DNAH3: variants seen among roughly 807,000 people sequenced by gnomAD.
The protein encoded by DNAH3 is axonemal beta dynein heavy chain 3.
A neutral mutation model predicts 432.5 loss-of-function variants in DNAH3; 332 were observed. That is an observed-to-expected ratio of 0.77 (90% CI 0.70 to 0.84). The LOEUF (loss-of-function observed/expected upper bound fraction) is 0.84, where lower values mean the gene tolerates loss of function less well. DNAH3 is among the 40% of genes least tolerant of loss of function. The probability of loss-of-function intolerance (pLI) is 0.00; values close to 1 mark genes in which losing one functional copy is unlikely to be tolerated. For missense variants in DNAH3, 4,861 were observed against 5,114.0 expected (o/e 0.95, Z 1.51); for synonymous variants, 1,956 against 1,900.2 (o/e 1.03, Z -0.76).
chr16:20,960,014 C>A (rs562126517), intron 53 of DNAH3, among the ~76,000 whole-genome samples: 1 of 152,124 alleles, frequency 6.6e-6, no homozygotes, highest in Admixed American at 6.5e-5. Context: ...TGAAATAAGT[C>A]TCTCACTTCT....
intron 49 of DNAH3, 97 bp from the exon 50 acceptor site, chr16:20,979,643 T>C: frequency 5.5e-6 from 6 of 1,085,788 alleles, no homozygotes; most frequent in Non-Finnish European, 8.3e-6. Flanking sequence ...AGAAGGCACA[T>C]ACACTGACTG....
intron 50 of DNAH3, among the ~76,000 whole-genome samples, chr16:20,976,898 A>C (rs1236963671): frequency 3.9e-5 from 6 of 152,232 alleles, no homozygotes; most frequent in Admixed American, 3.3e-4. Context: ...AACTATGAGA[A>C]GTAAACGTTT....
chr16:21,154,128 G>A (rs543574592), intron 1 of DNAH3, among the ~76,000 whole-genome samples: 2 of 152,356 alleles, frequency 1.3e-5, no homozygotes, highest in Non-Finnish European at 2.9e-5. Flanking sequence ...ATGGGGCCAG[G>A]CGCGGTGGCC....
chr16:21,037,371 C>G (rs1383673556), intron 34 of DNAH3, among the ~76,000 whole-genome samples: 1 of 152,016 alleles, frequency 6.6e-6, no homozygotes, highest in African/African-American at 2.4e-5. Flanking sequence ...TAAAAGTCAG[C>G]AAATATTTAA....
intron 49 of DNAH3, among the ~76,000 whole-genome samples, chr16:20,981,586 A>G (rs2085899590): frequency 1.3e-5 from 2 of 152,114 alleles, no homozygotes; most frequent in Non-Finnish European, 2.9e-5. Context: ...TTAGCTGGGC[A>G]TGGAGGCTCA....
At chr16:21,063,869 T>G (rs893063087) in intron 24 of DNAH3, among the ~76,000 whole-genome samples, 2 of 152,172 alleles carry the variant, frequency 1.3e-5, no homozygotes, top group Non-Finnish European at 2.9e-5. Flanking sequence ...TTAGAGATAA[T>G]AAGACAATTT....
intron 39 of DNAH3, among the ~76,000 whole-genome samples, chr16:21,022,726 G>T (rs1289836522): frequency 2.6e-5 from 4 of 151,542 alleles, no homozygotes; most frequent in African/African-American, 9.7e-5. Context: ...TTTTAAAAAA[G>T]ATTTATTTAT....
chr16:20,934,939 A>C (rs1464751881), intron 61 of DNAH3, among the ~76,000 whole-genome samples: 1 of 152,174 alleles, frequency 6.6e-6, no homozygotes, highest in African/African-American at 2.4e-5. Flanking sequence ...TGTAACAGTC[A>C]ATCGTAGCCA....
At chr16:21,094,177 A>C (rs968930460) in intron 18 of DNAH3, among the ~76,000 whole-genome samples, 5 of 152,214 alleles carry the variant, frequency 3.3e-5, no homozygotes, top group Admixed American at 2.6e-4. Context: ...AAAATTTATA[A>C]AGACCTCACA....
At chr16:21,133,363 A>AC (rs1181074937) in intron 7 of DNAH3, among the ~76,000 whole-genome samples, 1 of 140,156 alleles carries the variant, frequency 7.1e-6, no homozygotes, top group African/African-American at 2.6e-5. Context: ...ATTCGTCTCA[A>AC]AAAAAAAAAA....
At chr16:21,090,654 C>T (rs1250742112) in intron 18 of DNAH3, among the ~76,000 whole-genome samples, 1 of 152,096 alleles carries the variant, frequency 6.6e-6, no homozygotes, top group East Asian at 1.9e-4. Context: ...AAGACAAATA[C>T]TGTATGATCT....
chr16:21,091,109 C>T (rs1032546327), intron 18 of DNAH3, among the ~76,000 whole-genome samples: 3 of 151,982 alleles, frequency 2.0e-5, no homozygotes, highest in African/African-American at 7.3e-5. Context: ...GCCGAGGTTA[C>T]GTCACTGTGG....
intron 41 of DNAH3, among the ~76,000 whole-genome samples, chr16:21,004,450 C>T (rs1476711791): frequency 6.6e-6 from 1 of 152,018 alleles, no homozygotes; most frequent in Non-Finnish European, 1.5e-5. Context: ...TCACTGCAAC[C>T]TCCGCCTCCC....
intron 12 of DNAH3, among the ~76,000 whole-genome samples, chr16:21,115,013 C>A (rs1451165853): frequency 1.3e-5 from 2 of 151,966 alleles, no homozygotes; most frequent in East Asian, 3.8e-4. Flanking sequence ...CAATGATAGA[C>A]TGGATTAAGA....
At chr16:20,954,576 C>T (rs1310416896) in intron 55 of DNAH3, among the ~76,000 whole-genome samples, 1 of 152,094 alleles carries the variant, frequency 6.6e-6, no homozygotes, top group Non-Finnish European at 1.5e-5. Flanking sequence ...AGGCACAAGT[C>T]ACCACGCCCA....
chr16:21,016,239 A>C (rs904212118), intron 41 of DNAH3, among the ~76,000 whole-genome samples: 1 of 152,222 alleles, frequency 6.6e-6, no homozygotes, highest in Non-Finnish European at 1.5e-5. Context: ...CAAGGAAATA[A>C]CAATGAATTA....
rs9302391 is a variant in DNAH3 at position 21,139,320 on chromosome 16, C to CTTTTTTTTTTTTTTTTTT, written c.696+1198_696+1215dup. Among the ~76,000 whole-genome samples, 59 of 29,630 alleles carry CTTTTTTTTTTTTTTTTTT rather than the reference C, an allele frequency of 2.0e-3. 13 individuals are homozygous for CTTTTTTTTTTTTTTTTTT. The highest frequency in any genetic ancestry group is 5.5e-3 in the South Asian group (2 of 362). The allele number at this position is 29,630 out of a possible 152,430, so 19.4% of individuals were successfully genotyped here. ...AATGTAGCTTGAGACTTTCCTCATG[C>CTTTTTTTTTTTTTTTTTT]TTTTTTTTTTTTTTTTTTTTTTTTT... On this transcript the variant is annotated intron_variant, in intron 5 of 61. Transcript: ENST00000261383.
intron 60 of DNAH3, among the ~76,000 whole-genome samples, 166 bp downstream of exon 60, chr16:20,936,483 G>A (rs894062401): frequency 3.9e-5 from 6 of 152,052 alleles, no homozygotes; most frequent in African/African-American, 1.2e-4. Flanking sequence ...GGACTTTCAA[G>A]TCTCCCTCCT....
chr16:21,099,747 T>C (rs1276911232), intron 16 of DNAH3, among the ~76,000 whole-genome samples: 1 of 152,210 alleles, frequency 6.6e-6, no homozygotes, highest in Non-Finnish European at 1.5e-5. Flanking sequence ...GAGCCTGGTA[T>C]ACAATAGTCA....
Sources: allele counts gnomAD v4.1 joint callset (sites outside exome capture counted in the v4.1 genomes callset), GRCh38; gene constraint gnomAD v4.1.1; transcripts MANE v1.5; gene names NCBI Gene and HGNC (gene_info 2026-07-23, HGNC 2026-07-21).